Variants in CATSPERT observed in about 807,000 individuals in gnomAD.
CATSPERT encodes catsper channel auxiliary subunit tau.
the CATSPERT span, among the ~76,000 whole-genome samples, chr2:201,591,361 A>G: frequency 6.6e-6 from 1 of 152,232 alleles, no homozygotes; most frequent in Non-Finnish European, 1.5e-5. Flanking sequence ...TTTTGGTACC[A>G]GTACCATGCT....
At chr2:201,490,615 G>T in the CATSPERT span, among the ~76,000 whole-genome samples, 1 of 152,142 alleles carries the variant, frequency 6.6e-6, no homozygotes, top group South Asian at 2.1e-4. Flanking sequence ...GTTGGGGGAG[G>T]GGTGCCACTG....
chr2:201,539,352 A>T, the CATSPERT span, among the ~76,000 whole-genome samples: 4 of 152,160 alleles, frequency 2.6e-5, no homozygotes, highest in East Asian at 7.7e-4. Context: ...TTTTAATAGT[A>T]GCCATTCTGA....
At chr2:201,497,856 A>C in the CATSPERT span, among the ~76,000 whole-genome samples, 1 of 152,222 alleles carries the variant, frequency 6.6e-6, no homozygotes, top group Non-Finnish European at 1.5e-5. Context: ...GTTCCAGTAC[A>C]TTAACAGAAA....
chr2:201,557,100 C>T, the CATSPERT span: 1 of 152,118 alleles, frequency 6.6e-6, no homozygotes, highest in East Asian at 1.9e-4. Flanking sequence ...TTAAAACTAA[C>T]ACTCAGCTTC....
chr2:201,573,196 C>T, the CATSPERT span, among the ~76,000 whole-genome samples: 2 of 151,970 alleles, frequency 1.3e-5, no homozygotes, highest in African/African-American at 4.8e-5. Flanking sequence ...AGGAATCTGG[C>T]CTAAGGATAT....
the CATSPERT span, among the ~76,000 whole-genome samples, chr2:201,489,027 C>T: frequency 6.6e-6 from 1 of 152,172 alleles, no homozygotes; most frequent in East Asian, 1.9e-4. Context: ...GGCCACTGGT[C>T]ACTTTTCTAG....
chr2:201,565,091 G>A, the CATSPERT span, among the ~76,000 whole-genome samples: 2 of 142,336 alleles, frequency 1.4e-5, no homozygotes, highest in South Asian at 4.8e-4. Flanking sequence ...CAAAAAAAAG[G>A]ACAAGAAATA....
chr2:201,598,608 G>A, the CATSPERT span, among the ~76,000 whole-genome samples: 5 of 150,416 alleles, frequency 3.3e-5, no homozygotes, highest in South Asian at 2.1e-4. Flanking sequence ...TTTTTTTTTG[G>A]TCTCACTTTG....
the CATSPERT span, chr2:201,619,178 T>G: frequency 1.3e-6 from 2 of 1,594,926 alleles, no homozygotes; most frequent in African/African-American, 1.3e-5. Flanking sequence ...GGCCCGCTAC[T>G]GCGCAGGCGC....
chr2:201,511,346 C>A, the CATSPERT span, among the ~76,000 whole-genome samples: 3 of 152,090 alleles, frequency 2.0e-5, no homozygotes, highest in South Asian at 6.2e-4. Flanking sequence ...ATGTTCCAAG[C>A]CCTTTAAAAT....
chr2:201,553,775 A>T, the CATSPERT span: 2 of 152,168 alleles, frequency 1.3e-5, no homozygotes, highest in African/African-American at 2.4e-5. Context: ...ACAACTAAAC[A>T]TCTATACAGA....
the CATSPERT span, among the ~76,000 whole-genome samples, chr2:201,605,059 TACACAC>T: frequency 1.8e-4 from 27 of 149,858 alleles, no homozygotes; most frequent in African/African-American, 6.6e-4. Flanking sequence ...TATATATACA[TACACAC>T]ACACACACAC....
At chr2:201,565,770 A>C in the CATSPERT span, 2 of 1,610,200 alleles carry the variant, frequency 1.2e-6, no homozygotes, top group East Asian at 4.5e-5. Flanking sequence ...GTCGCACTAC[A>C]GATGGCTGGT....
the CATSPERT span, among the ~76,000 whole-genome samples, chr2:201,617,064 C>T: frequency 3.9e-5 from 6 of 152,142 alleles, no homozygotes; most frequent in African/African-American, 1.4e-4. Context: ...AAAGAGGACA[C>T]AAACAAATGG....
At chr2:201,566,401 TG>T in the CATSPERT span, among the ~76,000 whole-genome samples, 1 of 129,868 alleles carries the variant, frequency 7.7e-6, no homozygotes, top group Admixed American at 9.4e-5. Flanking sequence ...TTCCCCATTC[TG>T]TGTCCAAGTG....
chr2:201,591,549 G>A, the CATSPERT span, among the ~76,000 whole-genome samples: 16 of 151,988 alleles, frequency 1.1e-4, no homozygotes, highest in African/African-American at 2.2e-4. Context: ...GATGGGGATG[G>A]CATTGAATCT....
At chr2:201,541,056 G>A in the CATSPERT span, among the ~76,000 whole-genome samples, 1 of 152,184 alleles carries the variant, frequency 6.6e-6, no homozygotes, top group Non-Finnish European at 1.5e-5. Flanking sequence ...AATAGCAACA[G>A]AGGTAGAATT....
the CATSPERT span, chr2:201,487,851 G>A: frequency 4.3e-6 from 7 of 1,613,582 alleles, no homozygotes; most frequent in Non-Finnish European, 5.9e-6. Flanking sequence ...ACTTTTTTAA[G>A]GTGTGTAAAT....
chr2:201,560,423 AAATAATAATAATAATAATAATAAT>A, the CATSPERT span, among the ~76,000 whole-genome samples: 3 of 126,466 alleles, frequency 2.4e-5, no homozygotes, highest in Admixed American at 8.7e-5. Context: ...ACTCTGTCTC[AAATAATAATAATAATAATAATAAT>A]AATAATAATA....
Sources: gnomAD v4.1 joint callset for allele counts (sites outside exome capture counted in the v4.1 genomes callset) on GRCh38, gnomAD v4.1.1 for gene constraint, MANE v1.5 for transcripts, NCBI Gene and HGNC (gene_info 2026-07-23, HGNC 2026-07-21) for gene names.